Variants in SCAPER observed in about 807,000 individuals in gnomAD.
SCAPER encodes S phase cyclin A-associated protein in the endoplasmic reticulum.
Under a neutral mutation model 182.2 loss-of-function variants are expected in SCAPER, and 98 were observed. The ratio of observed to expected loss-of-function variants is 0.54; its 90% CI spans 0.46 to 0.64. SCAPER has a LOEUF of 0.64. Ranked by LOEUF, SCAPER falls within the 30% of genes least tolerant of loss-of-function variation. SCAPER has a pLI of 0.00. For missense variants in SCAPER, 1,432 were observed against 1,690.0 expected, an observed-to-expected ratio of 0.85 and a Z score of 2.68; for synonymous variants, 605 against 564.6, an observed-to-expected ratio of 1.07 and a Z score of -1.01.
At chr15:76,769,336 G>C (rs1301796020) in intron 10 of SCAPER, among the ~76,000 whole-genome samples, 1 of 151,370 alleles carries the variant, frequency 6.6e-6, no homozygotes, top group African/African-American at 2.4e-5. Context: ...CCAGCTACTC[G>C]GGAGGCTGAG....
At chr15:76,886,876 C>A (rs998131681) in intron 1 of SCAPER, among the ~76,000 whole-genome samples, 2 of 152,168 alleles carry the variant, frequency 1.3e-5, no homozygotes, top group African/African-American at 4.8e-5. Flanking sequence ...TAGAGGCCAT[C>A]ATCCTTAGCA....
At chr15:76,519,937 T>C (rs2042712370) in intron 23 of SCAPER, among the ~76,000 whole-genome samples, 1 of 152,238 alleles carries the variant, frequency 6.6e-6, no homozygotes, top group Non-Finnish European at 1.5e-5. Context: ...CATAATAGTA[T>C]ACCCTTAATG....
chr15:76,664,314 CGTT>C (rs2056413684), intron 21 of SCAPER, among the ~76,000 whole-genome samples: 2 of 152,098 alleles, frequency 1.3e-5, no homozygotes, highest in Admixed American at 6.6e-5. Flanking sequence ...GTTAGAGAGA[CGTT>C]GTCAAATTCT....
chr15:76,661,195 G>A (rs2056125698), intron 21 of SCAPER, among the ~76,000 whole-genome samples: 1 of 151,880 alleles, frequency 6.6e-6, no homozygotes, highest in Non-Finnish European at 1.5e-5. Flanking sequence ...TAACTTAAAT[G>A]TAAAACCCAA....
chr15:76,512,610 A>T (rs1413637417), intron 23 of SCAPER, among the ~76,000 whole-genome samples: 2 of 152,006 alleles, frequency 1.3e-5, no homozygotes, highest in African/African-American at 4.8e-5. Context: ...GGGGAAAAGG[A>T]CTGAGTAAAA....
chr15:76,430,625 G>A (rs2046798606), intron 26 of SCAPER, among the ~76,000 whole-genome samples: 1 of 152,190 alleles, frequency 6.6e-6, no homozygotes, highest in South Asian at 2.1e-4. Flanking sequence ...CCCCTATTTG[G>A]AATGGGTATA....
chr15:76,756,445 G>A (rs561048769), intron 14 of SCAPER, among the ~76,000 whole-genome samples: 2 of 152,184 alleles, frequency 1.3e-5, no homozygotes, highest in East Asian at 1.9e-4. Flanking sequence ...AGGCAAGATG[G>A]CATGTGCCTG....
At chr15:76,704,543 C>A (rs1567854879) in intron 18 of SCAPER, among the ~76,000 whole-genome samples, 1 of 152,138 alleles carries the variant, frequency 6.6e-6, no homozygotes, top group African/African-American at 2.4e-5. Context: ...CTACATATGT[C>A]TAGCCAGTTT....
chr15:76,425,072 T>C (rs113570780), intron 26 of SCAPER, among the ~76,000 whole-genome samples: 2 of 152,326 alleles, frequency 1.3e-5, no homozygotes, highest in African/African-American at 2.4e-5. Flanking sequence ...ATTTCAACTT[T>C]GGTGAATCTG....
chr15:76,363,638 T>C (rs2041603571), intron 29 of SCAPER, among the ~76,000 whole-genome samples: 1 of 152,246 alleles, frequency 6.6e-6, no homozygotes, highest in Admixed American at 6.5e-5. Flanking sequence ...TAAGAATTCT[T>C]GTTTTACTTT....
intron 25 of SCAPER, among the ~76,000 whole-genome samples, chr15:76,457,861 CTCTTTATCATT>C (rs1387525899): frequency 6.6e-6 from 1 of 151,960 alleles, no homozygotes; most frequent in East Asian, 1.9e-4. Context: ...GTTTCCACTG[CTCTTTATCATT>C]TCCTGAAGAT....
chr15:76,455,428 T>C (rs1219412351), intron 25 of SCAPER, among the ~76,000 whole-genome samples: 5 of 152,200 alleles, frequency 3.3e-5, no homozygotes, highest in Admixed American at 6.5e-5. Context: ...AACGCACTAA[T>C]TGTATAATAC....
chr15:76,872,553 A>T (rs2151920470), intron 2 of SCAPER, among the ~76,000 whole-genome samples: 1 of 151,468 alleles, frequency 6.6e-6, no homozygotes, highest in Non-Finnish European at 1.5e-5. Context: ...GCACCTTTAA[A>T]GTACTAAAAG....
chr15:76,362,326 G>A (rs186743228), intron 29 of SCAPER, among the ~76,000 whole-genome samples: 7 of 151,600 alleles, frequency 4.6e-5, no homozygotes, highest in Admixed American at 4.6e-4. Flanking sequence ...CACTTATATG[G>A]GAATAGTTTA....
intron 21 of SCAPER, among the ~76,000 whole-genome samples, chr15:76,634,862 T>C (rs2053461551): frequency 6.6e-6 from 1 of 151,970 alleles, no homozygotes; most frequent in African/African-American, 2.4e-5. Context: ...TGTGTGTGTG[T>C]GTGTGTGTGT....
intron 22 of SCAPER, among the ~76,000 whole-genome samples, chr15:76,582,471 A>G (rs2048336791): frequency 6.6e-6 from 1 of 152,240 alleles, no homozygotes. Flanking sequence ...AAGGCATTCC[A>G]TGTTGATAGA....
rs1380037299 is a variant in SCAPER at position 76,604,326 on chromosome 15, G to C, written c.2711+17438C>G. 2.5e-5 allele frequency among the ~76,000 whole-genome samples: 3 copies of C among 120,680 alleles called. 1 individual carries two copies. Among genetic ancestry groups the C allele is most frequent in the African/African-American group, 7.6e-5 (3 of 39,546 alleles). The allele number at this position is 120,680 out of a possible 152,430, so 79.2% of individuals were successfully genotyped here. A position where few individuals can be genotyped will look rare whatever the true frequency, so the allele number is the denominator to read the frequency against. ...TTTTTGTCAGGTTTGTCAAAGATCAGATAGCTGTAGATATGCGGCATTATT... is the reference window on the plus strand; with the variant it reads ...TTTTTGTCAGGTTTGTCAAAGATCACATAGCTGTAGATATGCGGCATTATT... On this transcript the variant is annotated intron_variant, in intron 22 of 31. Transcript: ENST00000563290.
At chr15:76,876,037 G>A (rs1381115726) in intron 2 of SCAPER, among the ~76,000 whole-genome samples, 1 of 152,200 alleles carries the variant, frequency 6.6e-6, no homozygotes, top group Non-Finnish European at 1.5e-5. Flanking sequence ...GGCACTGCTG[G>A]GGGACCCAGC....
intron 20 of SCAPER, among the ~76,000 whole-genome samples, chr15:76,679,280 A>C (rs2057548822): frequency 1.3e-5 from 2 of 152,218 alleles, no homozygotes; most frequent in Admixed American, 1.3e-4. Flanking sequence ...GGCCTAATAG[A>C]GATTACACAA....
Sources: gnomAD v4.1 joint callset for allele counts (sites outside exome capture counted in the v4.1 genomes callset) on GRCh38, gnomAD v4.1.1 for gene constraint, MANE v1.5 for transcripts, NCBI Gene and HGNC (gene_info 2026-07-23, HGNC 2026-07-21) for gene names.